SLA: variants seen among roughly 807,000 people sequenced by gnomAD.
SLA encodes the protein Src like adaptor.
A neutral mutation model predicts 30.3 loss-of-function variants in SLA; 16 were observed. That is an observed-to-expected ratio of 0.53 (90% CI 0.36 to 0.80). SLA has a LOEUF of 0.80. SLA is among the 30% of genes least tolerant of loss of function. The pLI is 0.01. For synonymous variants in SLA, 143 were observed against 137.8 expected (o/e 1.04, Z -0.26); for missense variants, 310 against 345.2 (o/e 0.90, Z 0.81).
chr8:133,096,194 C>A (rs1848383780), intron 1 of SLA: 1 of 1,614,064 alleles, frequency 6.2e-7, no homozygotes, highest in Non-Finnish European at 8.5e-7. Flanking sequence ...ATTATTGTTG[C>A]ATCCAATGCA....
chr8:133,087,436 C>T (rs995983205), intron 1 of SLA, among the ~76,000 whole-genome samples: 3 of 152,122 alleles, frequency 2.0e-5, no homozygotes, highest in African/African-American at 4.8e-5. Flanking sequence ...CTTCCTCCCT[C>T]GGGGTGTGAG....
At chr8:133,065,499 CA>C (rs1357399495) in intron 2 of SLA, among the ~76,000 whole-genome samples, 1 of 152,208 alleles carries the variant, frequency 6.6e-6, no homozygotes, top group Non-Finnish European at 1.5e-5. Flanking sequence ...CGGTGGCTCA[CA>C]CCTGTGATCC....
intron 1 of SLA, among the ~76,000 whole-genome samples, chr8:133,078,318 G>A (rs1213658630): frequency 6.6e-6 from 1 of 152,214 alleles, no homozygotes; most frequent in Non-Finnish European, 1.5e-5. Context: ...GAGCATGTGA[G>A]CCACGAGCTG....
At chr8:133,047,619 A>C in intron 6 of SLA, 1 of 579,636 alleles carries the variant, frequency 1.7e-6, no homozygotes, top group Non-Finnish European at 3.1e-6. Flanking sequence ...GGCCCGTGGC[A>C]GTGCCCAGCC....
At chr8:133,092,500 G>A (rs1303044554) in intron 1 of SLA, among the ~76,000 whole-genome samples, 1 of 152,166 alleles carries the variant, frequency 6.6e-6, no homozygotes, top group Non-Finnish European at 1.5e-5. Context: ...CATCCTGTGG[G>A]GTCCCGTGAA....
chr8:133,088,928 A>G (rs996195850), intron 1 of SLA, among the ~76,000 whole-genome samples: 2 of 152,244 alleles, frequency 1.3e-5, no homozygotes, highest in African/African-American at 4.8e-5. Context: ...GAATACAAAT[A>G]TAAACTTGGA....
chr8:133,048,078 G>C (rs544847198), intron 5 of SLA, 145 bp from the exon 6 acceptor site: 3 of 593,888 alleles, frequency 5.1e-6, no homozygotes, highest in Non-Finnish European at 9.0e-6. Flanking sequence ...CTCTTCCACA[G>C]ATGAGAATAC....
chr8:133,067,842 CAGAG>C (rs1209031571), intron 2 of SLA, among the ~76,000 whole-genome samples: 4 of 126,876 alleles, frequency 3.2e-5, no homozygotes, highest in Admixed American at 8.5e-5. Flanking sequence ...GAGAGAGAGA[CAGAG>C]AGAGAGAGAA....
In SLA at chr8:133,096,238, G is replaced by A. The variant is rs772956775; in HGVS notation, c.-319+6315C>T. ...CCGTGAGTGGCCCTTTCCACTACTG[G>A]GGTCCTGTGATCGATGGCCACTTCC... On this transcript the variant is annotated intron_variant, in intron 1 of 8. Coordinates refer to ENST00000338087, the MANE Select transcript of SLA (RefSeq NM_001045556.3). 4.3e-6 allele frequency: 7 copies of A among 1,614,094 alleles called. No homozygotes were observed. The highest frequency in any genetic ancestry group is 5.9e-6 in the Non-Finnish European group (7 of 1,180,042).
At chr8:133,039,785 C>T (rs552182100) in intron 8 of SLA, among the ~76,000 whole-genome samples, 1 of 152,324 alleles carries the variant, frequency 6.6e-6, no homozygotes, top group East Asian at 1.9e-4. Context: ...AGCTGCCACA[C>T]ACCTCGTGAG....
chr8:133,055,351 A>G (rs1564126140), intron 3 of SLA, among the ~76,000 whole-genome samples: 57 of 82,088 alleles, frequency 6.9e-4, no homozygotes, highest in Non-Finnish European at 8.1e-4. Context: ...TTCAGGACAC[A>G]CACACGCACG....
intron 1 of SLA, among the ~76,000 whole-genome samples, chr8:133,101,087 A>G (rs887904887): frequency 6.6e-6 from 1 of 152,048 alleles, no homozygotes; most frequent in Non-Finnish European, 1.5e-5. Context: ...AGGAGTGGGG[A>G]GGGTGGCGGG....
chr8:133,084,193 G>A (rs1182076373), intron 1 of SLA, among the ~76,000 whole-genome samples: 3 of 152,254 alleles, frequency 2.0e-5, no homozygotes, highest in African/African-American at 7.2e-5. Flanking sequence ...GGAGAGAGAG[G>A]GGCAGTCTAG....
intron 2 of SLA, chr8:133,072,936 A>G (rs763545174): frequency 2.0e-5 from 3 of 152,236 alleles, no homozygotes; most frequent in Non-Finnish European, 2.9e-5. Context: ...AATCCATCAT[A>G]TTTAACACTG....
intron 1 of SLA, among the ~76,000 whole-genome samples, chr8:133,101,878 A>T (rs1276293823): frequency 6.6e-6 from 1 of 152,128 alleles, no homozygotes; most frequent in Non-Finnish European, 1.5e-5. Context: ...ACTGACCAGG[A>T]CCCCGCTCCC....
chr8:133,065,985 G>A (rs574256721), intron 2 of SLA, among the ~76,000 whole-genome samples: 58 of 152,162 alleles, frequency 3.8e-4, no homozygotes, highest in African/African-American at 1.3e-3. Context: ...ACAAGAGAGC[G>A]AGGCCAGTTG....
At chr8:133,096,099 CA>C in intron 1 of SLA, 1 of 1,398,202 alleles carries the variant, frequency 7.2e-7, no homozygotes, top group Non-Finnish European at 1.0e-6. Context: ...TCAGTAGAGT[CA>C]TAGATGGATA....
chr8:133,074,742 G>A, intron 2 of SLA, 111 bp downstream of exon 2: 1 of 542,912 alleles, frequency 1.8e-6, no homozygotes, highest in Non-Finnish European at 2.3e-6. Flanking sequence ...TGCCCCACCT[G>A]TTCTCAGGGA....
At chr8:133,059,039 A>T (rs1448289148) in intron 3 of SLA, 2 of 457,220 alleles carry the variant, frequency 4.4e-6, no homozygotes, top group Non-Finnish European at 8.8e-6. Context: ...AGGGAGCCAC[A>T]GAAGTCATGA....
Sources: gnomAD v4.1 joint callset for allele counts (sites outside exome capture counted in the v4.1 genomes callset) on GRCh38, gnomAD v4.1.1 for gene constraint, MANE v1.5 for transcripts, NCBI Gene and HGNC (gene_info 2026-07-23, HGNC 2026-07-21) for gene names.